The following SESN1 variants were observed in gnomAD, a reference collection of about 807,000 sequenced individuals.
SESN1 encodes the protein sestrin-1.
A neutral mutation model predicts 59.3 loss-of-function variants in SESN1; 30 were observed. The ratio of observed to expected loss-of-function variants is 0.51; its 90% CI spans 0.38 to 0.69. The LOEUF (loss-of-function observed/expected upper bound fraction) is 0.69, where lower values mean the gene tolerates loss of function less well. Ranked by LOEUF, SESN1 falls within the 30% of genes least tolerant of loss-of-function variation. The pLI, the probability that SESN1 is intolerant of heterozygous loss-of-function variation, is 0.00. For synonymous variants in SESN1, 197 were observed against 219.9 expected (o/e 0.90, Z 0.92); for missense variants, 566 against 673.0 (o/e 0.84, Z 1.76).
At chr6:109,055,742 A>G (rs1033139974) in intron 1 of SESN1, among the ~76,000 whole-genome samples, 3 of 152,140 alleles carry the variant, frequency 2.0e-5, no homozygotes, top group Non-Finnish European at 4.4e-5. Context: ...AAAGTCTAGT[A>G]ACCATTACAA....
At chr6:109,076,338 A>T (rs889014087) in intron 1 of SESN1, among the ~76,000 whole-genome samples, 2 of 152,214 alleles carry the variant, frequency 1.3e-5, no homozygotes. Flanking sequence ...CTTTCTTTCA[A>T]TAAGTTTTCA....
rs868022864 is a variant in SESN1, at chr6:109,046,924, C to T, written c.280-44581G>A. Among the ~76,000 whole-genome samples the T allele has an allele frequency of 2.5e-3, 308 of 122,244 alleles. 17 individuals carry two copies. Among genetic ancestry groups the T allele is most frequent in the East Asian group, 9.2e-3 (39 of 4,222 alleles). The allele number at this position is 122,244 out of a possible 152,430, so 80.2% of individuals were successfully genotyped here. The stretch of plus-strand genomic sequence containing the variant: ...CTGAGAAGTGAGGAGCCTCTCCGCC[C>T]GGCAGCCACCCCATCTGGGAAGTGA... On this transcript the variant is annotated intron_variant, in intron 1 of 9. Coordinates refer to ENST00000436639, the MANE Select transcript of SESN1 (RefSeq NM_014454.3).
chr6:109,065,813 C>T (rs915638325), intron 1 of SESN1, among the ~76,000 whole-genome samples: 4 of 151,682 alleles, frequency 2.6e-5, no homozygotes, highest in Admixed American at 2.0e-4. Flanking sequence ...TTTAATATTA[C>T]TTTAAAATAT....
chr6:109,032,572 T>A (rs932893151), intron 1 of SESN1, among the ~76,000 whole-genome samples: 3 of 146,160 alleles, frequency 2.1e-5, no homozygotes, highest in African/African-American at 8.0e-5. Flanking sequence ...GAGCCGAGAT[T>A]GGGCCATTGC....
rs1041333088 is a variant in SESN1, at chr6:109,094,657, G to C, written c.-584C>G. On this transcript the variant is annotated 5_prime_UTR_variant, in exon 1 of 10. Coordinates refer to ENST00000436639, the MANE Select transcript of SESN1 (RefSeq NM_014454.3). ...GCGGCCGGAGGCTTGGGCGCTGTCG[G>C]AGGGCGGCAGTCTCGGGCAGCCGTA... 2 of 152,336 alleles carry C rather than the reference G, an allele frequency of 1.3e-5. No homozygotes were observed. The highest frequency in any genetic ancestry group is 2.9e-5 in the Non-Finnish European group (2 of 68,132). 9.4% of individuals were successfully genotyped at this position (152,336 alleles called of 1,614,324 possible).
chr6:109,036,502 G>A (rs1780250292), intron 1 of SESN1, among the ~76,000 whole-genome samples: 1 of 152,106 alleles, frequency 6.6e-6, no homozygotes, highest in Non-Finnish European at 1.5e-5. Flanking sequence ...TTCTGATGCT[G>A]GGATCTAGTG....
chr6:108,994,365 G>A lies in SESN1; in HGVS notation c.1120+97C>T. Reference sequence around the variant, plus strand: ...ATGCAATAGTCTCTCTAAAAGGAAGGACATATTTAGATTGATGCTTTAAAA... The same window carrying A: ...ATGCAATAGTCTCTCTAAAAGGAAGAACATATTTAGATTGATGCTTTAAAA... On this transcript the variant is annotated intron_variant, in intron 6 of 9. Transcript: ENST00000436639. 4.1e-6 allele frequency: 4 copies of A among 970,304 alleles called. No homozygotes were observed. The South Asian group carries it at 7.1e-5, about 17-fold the overall frequency. 60.1% of individuals were successfully genotyped at this position (970,304 alleles called of 1,614,324 possible).
At chr6:108,997,641 A>G (rs1487543145) in intron 5 of SESN1, among the ~76,000 whole-genome samples, 1 of 152,238 alleles carries the variant, frequency 6.6e-6, no homozygotes, top group Admixed American at 6.5e-5. Flanking sequence ...TTTAGATACA[A>G]AAGAACTGAG....
At chr6:109,061,423 A>G (rs115633358) in intron 1 of SESN1, among the ~76,000 whole-genome samples, 2,538 of 152,358 alleles carry the variant, frequency 0.017, 84 homozygotes, top group African/African-American at 0.058. Flanking sequence ...TGTATTTTAA[A>G]CAAAAATTAA....
At chr6:109,083,221 T>A (rs1281663428) in intron 1 of SESN1, among the ~76,000 whole-genome samples, 2 of 152,180 alleles carry the variant, frequency 1.3e-5, no homozygotes, top group African/African-American at 4.8e-5. Flanking sequence ...CATGAGCACA[T>A]GGCCAGTAAG....
intron 1 of SESN1, among the ~76,000 whole-genome samples, chr6:109,070,060 C>T (rs1471387218): frequency 1.3e-5 from 2 of 152,140 alleles, no homozygotes; most frequent in Non-Finnish European, 2.9e-5. Flanking sequence ...CACACAAGAA[C>T]CATCATTTTA....
chr6:109,007,583 T>C (rs1197256126), intron 1 of SESN1, among the ~76,000 whole-genome samples: 1 of 152,168 alleles, frequency 6.6e-6, no homozygotes, highest in Non-Finnish European at 1.5e-5. Flanking sequence ...ATATAAAAAG[T>C]GAAAGTTCCC....
chr6:109,061,604 G>A (rs533482655), intron 1 of SESN1, among the ~76,000 whole-genome samples: 3 of 152,116 alleles, frequency 2.0e-5, no homozygotes, highest in Admixed American at 6.5e-5. Context: ...AGGAGTTCGC[G>A]ACCAGCCTGG....
chr6:109,038,349 A>G (rs1780278534), intron 1 of SESN1, among the ~76,000 whole-genome samples: 1 of 152,180 alleles, frequency 6.6e-6, no homozygotes, highest in African/African-American at 2.4e-5. Context: ...AAAATTAGCT[A>G]GGTGTGGTGG....
chr6:109,094,593 G>C lies in SESN1; in HGVS notation c.-520C>G, dbSNP rs1374434447. 1.3e-5 allele frequency: 2 copies of C among 152,418 alleles called. No homozygotes were observed. Among genetic ancestry groups the C allele is most frequent in the African/African-American group, 2.4e-5 (1 of 41,452 alleles). The allele number at this position is 152,418 out of a possible 1,614,324, so 9.4% of individuals were successfully genotyped here. A position where few individuals can be genotyped will look rare whatever the true frequency, so the allele number is the denominator to read the frequency against. On this transcript the variant is annotated 5_prime_UTR_variant, in exon 1 of 10. Coordinates refer to ENST00000436639, the MANE Select transcript of SESN1 (RefSeq NM_014454.3). ...AGCGCCTCAGCAGCCGGCCGGCGCC[G>C]GCAGGGAAGGCTCGCCGAACCCTGG...
intron 8 of SESN1, among the ~76,000 whole-genome samples, chr6:108,989,451 CTA>C (rs1331592048): frequency 6.7e-6 from 1 of 148,286 alleles, no homozygotes; most frequent in Non-Finnish European, 1.5e-5. Context: ...AGATACATCT[CTA>C]TATCTAGAGA....
chr6:108,989,446 C>T (rs7759680), intron 8 of SESN1, among the ~76,000 whole-genome samples: 26,844 of 147,192 alleles, frequency 0.18, 2,749 homozygotes, highest in African/African-American at 0.29. Flanking sequence ...GATCTAGATA[C>T]ATCTCTATAT....
In SESN1 at chr6:108,998,589, T is replaced by C. The variant is rs1310807543; in HGVS notation, c.896A>G (p.Asn299Ser). Residue 299 changes from asparagine (N) to serine (S), a missense_variant, in exon 5 of 10, where the codon AAC (asparagine) becomes AGC (serine). Asn to Ser is a conservative substitution (Grantham distance 46, BLOSUM62 1). Coordinates refer to ENST00000436639, the MANE Select transcript of SESN1 (RefSeq NM_014454.3). The part of the protein sequence containing the change: ...GHTFRPPSVS[N>S]YCICDITNGN... Reference sequence around the variant, plus strand: ...ATTTGTAATGTCACAGATGCAGTAGTTGCTAACAGAAGGAGGTCTGAATGT... The same window carrying C: ...ATTTGTAATGTCACAGATGCAGTAGCTGCTAACAGAAGGAGGTCTGAATGT... The C allele has an allele frequency of 6.2e-6, 10 of 1,613,822 alleles. No individual in the cohort carries two copies. The Admixed American group carries it at 1.0e-4, about 16-fold the overall frequency.
chr6:109,008,945 C>T (rs1383599977), intron 1 of SESN1: 1 of 992,574 alleles, frequency 1.0e-6, no homozygotes, highest in Non-Finnish European at 1.2e-6. Flanking sequence ...AATCTGTTTT[C>T]ACAAGACAAG....
Sources: gnomAD v4.1 joint callset for allele counts (sites outside exome capture counted in the v4.1 genomes callset) on GRCh38, gnomAD v4.1.1 for gene constraint, MANE v1.5 for transcripts, NCBI Gene and HGNC (gene_info 2026-07-23, HGNC 2026-07-21) for gene names.